Variants in SWT1 observed in about 807,000 individuals in gnomAD.
The protein encoded by SWT1 is transcriptional protein SWT1.
A neutral mutation model predicts 107.3 loss-of-function variants in SWT1; 33 were observed. That is an observed-to-expected ratio of 0.31 (90% confidence interval 0.23 to 0.41). SWT1 has a LOEUF of 0.41. SWT1 is among the 10% of genes least tolerant of loss of function. The pLI is 1.00. For missense variants in SWT1, 898 were observed against 1,028.9 expected (o/e 0.87, Z 1.74); for synonymous variants, 345 against 348.3 (o/e 0.99, Z 0.11).
rs143115329 is a variant in SWT1, at chr1:185,199,435, G to A, written c.1524-3219G>A. On this transcript the variant is annotated intron_variant, in intron 10 of 18. Transcript: ENST00000367500. ...TGCTTCCTTCAGGACCCCTTGTAAG[G>A]GAGGCCTGGTGGTGACAGAATCTCA... Among the ~76,000 whole-genome samples the A allele has an allele frequency of 1.5e-3, 232 of 152,268 alleles. 1 individual carries two copies. The highest frequency in any genetic ancestry group is 5.3e-3 in the African/African-American group (221 of 41,560).
At chr1:185,287,771 C>T (rs1337523395) in intron 18 of SWT1, among the ~76,000 whole-genome samples, 1 of 152,160 alleles carries the variant, frequency 6.6e-6, no homozygotes, top group Non-Finnish European at 1.5e-5. Context: ...ATAGGCCAAG[C>T]AGACACTATG....
chr1:185,258,946 G>C (rs931083560), intron 16 of SWT1, among the ~76,000 whole-genome samples: 6 of 151,690 alleles, frequency 4.0e-5, no homozygotes, highest in African/African-American at 1.2e-4. Flanking sequence ...CCTGGCTCTC[G>C]TCATTCTATC....
intron 16 of SWT1, among the ~76,000 whole-genome samples, chr1:185,255,495 TA>T (rs1425029983): frequency 2.3e-5 from 3 of 130,194 alleles, no homozygotes; most frequent in African/African-American, 9.9e-5. Context: ...TTAGGATAGT[TA>T]GCTCTTCTTG....
intron 5 of SWT1, among the ~76,000 whole-genome samples, chr1:185,177,603 C>T (rs141293985): frequency 7.2e-4 from 110 of 152,232 alleles, no homozygotes; most frequent in African/African-American, 2.4e-3. Flanking sequence ...TCTTAATACC[C>T]TGTTTGTTTT....
intron 18 of SWT1, among the ~76,000 whole-genome samples, chr1:185,280,435 C>T (rs1425267947): frequency 6.6e-6 from 1 of 152,110 alleles, no homozygotes; most frequent in Non-Finnish European, 1.5e-5. Context: ...GATAGGACTT[C>T]TGGGATAATC....
chr1:185,176,705 C>G (rs1026253270), intron 5 of SWT1: 23 of 984,704 alleles, frequency 2.3e-5, no homozygotes, highest in Admixed American at 1.2e-4. Flanking sequence ...TGGACTGTGG[C>G]CAGGCCTGGT....
intron 18 of SWT1, among the ~76,000 whole-genome samples, chr1:185,279,512 A>T (rs1035817599): frequency 2.6e-5 from 4 of 152,128 alleles, no homozygotes; most frequent in African/African-American, 9.7e-5. Flanking sequence ...TTTAAAGAGA[A>T]ATCAAATATA....
At chr1:185,246,138 G>A (rs1190658598) in intron 16 of SWT1, among the ~76,000 whole-genome samples, 2 of 152,088 alleles carry the variant, frequency 1.3e-5, no homozygotes, top group African/African-American at 4.8e-5. Context: ...ATTGTGCAGT[G>A]CATAACTGTA....
intron 10 of SWT1, among the ~76,000 whole-genome samples, chr1:185,200,709 A>C (rs1657798709): frequency 6.6e-6 from 1 of 152,128 alleles, no homozygotes; most frequent in African/African-American, 2.4e-5. Context: ...GGTGTCTCTT[A>C]GTTAGGGGGC....
At chr1:185,283,064 GT>G (rs1664735632) in intron 18 of SWT1, among the ~76,000 whole-genome samples, 1 of 152,154 alleles carries the variant, frequency 6.6e-6, no homozygotes, top group Non-Finnish European at 1.5e-5. Context: ...ATAGAGTGAG[GT>G]TCAGGAAAGT....
In SWT1 at chr1:185,175,054, A is replaced by G. The variant is rs113930312; in HGVS notation, c.907A>G (p.Lys303Glu). Reference sequence around the variant, plus strand: ...GCGGACTGTTCATGAGTGGAAACGAAAACATCATTATGACCATCAAGAAAG... The same window carrying G: ...GCGGACTGTTCATGAGTGGAAACGAGAACATCATTATGACCATCAAGAAAG... ...YKRTVHEWKRKHHYDHQESND... is the reference protein window; with the variant it reads ...YKRTVHEWKREHHYDHQESND... The change falls in exon 5 of 19, where the codon AAA (lysine) becomes GAA (glutamate). Residue 303 changes from lysine (K) to glutamate (E), a missense_variant. Lys to Glu is a moderately conservative substitution (Grantham distance 56, BLOSUM62 1). Transcript: ENST00000367500. The G allele has an allele frequency of 9.1e-5, 146 of 1,596,678 alleles. No homozygotes were observed. Among genetic ancestry groups the G allele is most frequent in the Middle Eastern group, 3.3e-4 (2 of 5,998 alleles).
At chr1:185,284,749 CAGTT>C (rs1448600730) in intron 18 of SWT1, among the ~76,000 whole-genome samples, 4 of 152,162 alleles carry the variant, frequency 2.6e-5, no homozygotes, top group Admixed American at 2.6e-4. Context: ...TTCTTCTTGT[CAGTT>C]AGCCTAGAGC....
intron 17 of SWT1, among the ~76,000 whole-genome samples, chr1:185,275,660 C>T (rs1191833446): frequency 6.6e-6 from 1 of 151,740 alleles, no homozygotes; most frequent in Non-Finnish European, 1.5e-5. Context: ...GCTGGGATTA[C>T]AGGCATGAGC....
chr1:185,198,076 G>A (rs763976015), intron 10 of SWT1, among the ~76,000 whole-genome samples: 5 of 152,130 alleles, frequency 3.3e-5, no homozygotes, highest in African/African-American at 1.2e-4. Context: ...TGTGCTTTTA[G>A]TGCTATAAAT....
At chr1:185,191,256 C>G (rs1656925440) in intron 10 of SWT1, among the ~76,000 whole-genome samples, 1 of 152,132 alleles carries the variant, frequency 6.6e-6, no homozygotes, top group Non-Finnish European at 1.5e-5. Flanking sequence ...CTTCCCCCTG[C>G]TTCTTCCCTC....
chr1:185,230,702 A>G (rs1660446629), intron 15 of SWT1, among the ~76,000 whole-genome samples: 1 of 152,026 alleles, frequency 6.6e-6, no homozygotes, highest in East Asian at 1.9e-4. Context: ...CATAGGTGGC[A>G]TAAGCATCAT....
At chr1:185,185,377 T>A (rs1329211255) in intron 9 of SWT1, among the ~76,000 whole-genome samples, 1 of 152,066 alleles carries the variant, frequency 6.6e-6, no homozygotes, top group East Asian at 1.9e-4. Flanking sequence ...GTGTATAGAT[T>A]TTCCCCTCAT....
intron 15 of SWT1, among the ~76,000 whole-genome samples, chr1:185,229,480 C>G (rs571736671): frequency 6.6e-6 from 1 of 151,778 alleles, no homozygotes; most frequent in Non-Finnish European, 1.5e-5. Context: ...ATCCTTTTAC[C>G]TGAATTGTAT....
At chr1:185,206,041 C>A (rs1377610037) in intron 12 of SWT1, among the ~76,000 whole-genome samples, 4 of 151,928 alleles carry the variant, frequency 2.6e-5, no homozygotes, top group African/African-American at 9.7e-5. Flanking sequence ...TCACTGCAAC[C>A]TCCTCCTTCC....
Sources: gnomAD v4.1 joint callset for allele counts (sites outside exome capture counted in the v4.1 genomes callset) on GRCh38, gnomAD v4.1.1 for gene constraint, MANE v1.5 for transcripts, NCBI Gene and HGNC (gene_info 2026-07-23, HGNC 2026-07-21) for gene names.